Variants in CRIM1 observed in about 807,000 individuals in gnomAD.
The protein encoded by CRIM1 is cysteine rich transmembrane BMP regulator 1.
CRIM1 carries 32 observed loss-of-function variants against 116.4 expected under a neutral mutation model. That is an observed-to-expected ratio of 0.27 (90% confidence interval 0.21 to 0.37). The LOEUF (loss-of-function observed/expected upper bound fraction) is 0.37. Ranked by LOEUF, CRIM1 falls within the 10% of genes least tolerant of loss-of-function variation. The probability of loss-of-function intolerance (pLI) is 1.00; values close to 1 mark genes in which losing one functional copy is unlikely to be tolerated. For synonymous variants in CRIM1, 590 were observed against 509.2 expected (o/e 1.16, Z -2.13); for missense variants, 1,331 against 1,354.8 (o/e 0.98, Z 0.28).
intron 11 of CRIM1, among the ~76,000 whole-genome samples, chr2:36,515,076 A>T (rs1193246653): frequency 2.0e-5 from 3 of 152,196 alleles, no homozygotes; most frequent in Non-Finnish European, 4.4e-5. Context: ...CTTTAATATG[A>T]TAGAACTCTG....
intron 13 of CRIM1, among the ~76,000 whole-genome samples, chr2:36,531,587 G>A (rs1258638759): frequency 6.6e-6 from 1 of 152,026 alleles, no homozygotes; most frequent in African/African-American, 2.4e-5. Flanking sequence ...AAATAGCTCA[G>A]GAGTAAAAAC....
intron 2 of CRIM1, among the ~76,000 whole-genome samples, chr2:36,397,167 A>G (rs1672089344): frequency 6.6e-6 from 1 of 152,204 alleles, no homozygotes; most frequent in Non-Finnish European, 1.5e-5. Context: ...CTCATCTGGC[A>G]TGAAAGAGTT....
chr2:36,431,683 A>G (rs1043589604), intron 2 of CRIM1, among the ~76,000 whole-genome samples: 1 of 152,194 alleles, frequency 6.6e-6, no homozygotes, highest in Non-Finnish European at 1.5e-5. Flanking sequence ...TAATTCAGCA[A>G]GCGTTTGTCG....
intron 6 of CRIM1, among the ~76,000 whole-genome samples, chr2:36,477,993 AT>A (rs2125042993): frequency 6.6e-6 from 1 of 152,292 alleles, no homozygotes; most frequent in South Asian, 2.1e-4. Flanking sequence ...CAGGCCCCAG[AT>A]CTTCAATCTG....
Position 36,550,315 on chromosome 2 carries a change from T to G in CRIM1, c.*1614T>G, listed in dbSNP as rs979550730. The G allele has an allele frequency of 2.6e-5, 4 of 152,228 alleles. No homozygotes were observed. The highest frequency in any genetic ancestry group is 7.3e-5 in the African/African-American group (3 of 41,262). The allele number at this position is 152,228 out of a possible 1,614,324, so 9.4% of individuals were successfully genotyped here. A position where few individuals can be genotyped will look rare whatever the true frequency, so the allele number is the denominator to read the frequency against. ...ACAATAAGCTGGAAGTTTGTTGTAG[T>G]ATGCCTCAAATATAACTGACTGTAT... On this transcript the variant is annotated 3_prime_UTR_variant, in exon 17 of 17. Transcript: ENST00000280527.
chr2:36,493,413 C>A (rs1680365579), intron 7 of CRIM1, among the ~76,000 whole-genome samples: 2 of 152,130 alleles, frequency 1.3e-5, no homozygotes, highest in African/African-American at 4.8e-5. Flanking sequence ...CACAGCCAGG[C>A]CTGCAGTTTA....
chr2:36,529,010 C>T (rs1326246660), intron 13 of CRIM1: 3 of 408,296 alleles, frequency 7.3e-6, no homozygotes, highest in Non-Finnish European at 1.5e-5. Context: ...GGGAAAAACC[C>T]CTAAGCTGCA....
At chr2:36,547,710 G>A (rs1209847377) in intron 16 of CRIM1, among the ~76,000 whole-genome samples, 1 of 152,120 alleles carries the variant, frequency 6.6e-6, no homozygotes, top group East Asian at 1.9e-4. Flanking sequence ...AGACAAGGTA[G>A]GGAGAGGCAG....
intron 14 of CRIM1, among the ~76,000 whole-genome samples, chr2:36,538,157 T>C (rs748899928): frequency 1.3e-4 from 20 of 152,128 alleles, no homozygotes; most frequent in Non-Finnish European, 1.5e-5. Context: ...CGCCCCACTC[T>C]TTGTGTCTGC....
intron 15 of CRIM1, among the ~76,000 whole-genome samples, chr2:36,546,061 G>A (rs967093146): frequency 1.3e-5 from 2 of 152,078 alleles, no homozygotes; most frequent in African/African-American, 2.4e-5. Context: ...TTAAACCACA[G>A]TGTTACATAC....
intron 7 of CRIM1, 63 bp downstream of exon 7, chr2:36,479,757 G>C (rs1254157403): frequency 4.0e-6 from 6 of 1,497,250 alleles, no homozygotes; most frequent in Middle Eastern, 1.7e-4. Context: ...GCTTCTACCA[G>C]CGTACGTTCT....
At chr2:36,460,119 C>A (rs898160910) in intron 4 of CRIM1, among the ~76,000 whole-genome samples, 1 of 152,140 alleles carries the variant, frequency 6.6e-6, no homozygotes, top group Non-Finnish European at 1.5e-5. Context: ...AAAAAGACAG[C>A]TTTACCAAGT....
At chr2:36,539,143 G>A (rs1470402702) in intron 14 of CRIM1, among the ~76,000 whole-genome samples, 1 of 152,178 alleles carries the variant, frequency 6.6e-6, no homozygotes, top group Non-Finnish European at 1.5e-5. Flanking sequence ...AGACAGAGAG[G>A]CTGGGGAGAA....
chr2:36,440,069 A>G (rs1254191005), intron 2 of CRIM1, among the ~76,000 whole-genome samples: 2 of 152,236 alleles, frequency 1.3e-5, no homozygotes, highest in East Asian at 3.8e-4. Flanking sequence ...GAAAATGACT[A>G]GAGGAACAGG....
At chr2:36,441,724 G>T (rs1005231796) in intron 3 of CRIM1, among the ~76,000 whole-genome samples, 2 of 152,146 alleles carry the variant, frequency 1.3e-5, no homozygotes, top group African/African-American at 4.8e-5. Context: ...GAGCGAGCGT[G>T]TCTTTTCCTC....
At chr2:36,457,641 G>C (rs191697743) in intron 4 of CRIM1, among the ~76,000 whole-genome samples, 1 of 152,076 alleles carries the variant, frequency 6.6e-6, no homozygotes, top group Non-Finnish European at 1.5e-5. Flanking sequence ...GGTGAGGCAC[G>C]AGGAAAACTG....
At chr2:36,440,708 A>T (rs1189499175) in intron 2 of CRIM1, among the ~76,000 whole-genome samples, 1 of 152,194 alleles carries the variant, frequency 6.6e-6, no homozygotes, top group East Asian at 1.9e-4. Context: ...TTGGCTCATT[A>T]TCCATCTTGC....
intron 8 of CRIM1, among the ~76,000 whole-genome samples, chr2:36,500,116 C>T (rs1334727040): frequency 6.6e-6 from 1 of 152,028 alleles, no homozygotes; most frequent in Admixed American, 6.6e-5. Flanking sequence ...CACTGGAGCT[C>T]AGGAGTTCAA....
intron 8 of CRIM1, among the ~76,000 whole-genome samples, chr2:36,503,991 C>A (rs1162471832): frequency 6.6e-6 from 1 of 152,122 alleles, no homozygotes; most frequent in African/African-American, 2.4e-5. Context: ...CCACCTGAGC[C>A]TCCCAAGTAA....
Sources: allele counts gnomAD v4.1 joint callset (sites outside exome capture counted in the v4.1 genomes callset), GRCh38; gene constraint gnomAD v4.1.1; transcripts MANE v1.5; gene names NCBI Gene and HGNC (gene_info 2026-07-23, HGNC 2026-07-21).